The following MFAP4 variants were observed in gnomAD, a reference collection of about 807,000 sequenced individuals.
MFAP4 encodes microfibril-associated glycoprotein 4.
A neutral mutation model predicts 32.4 loss-of-function variants in MFAP4; 20 were observed. The observed-to-expected ratio is 0.62, with a 90% CI of 0.43 to 0.90. MFAP4 has a LOEUF of 0.90. MFAP4 is among the 40% of genes least tolerant of loss of function. The pLI, the probability that MFAP4 is intolerant of heterozygous loss-of-function variation, is 0.00. For missense variants in MFAP4, 267 were observed against 329.5 expected (o/e 0.81, Z 1.47); for synonymous variants, 146 against 137.4 (o/e 1.06, Z -0.44).
At chr17:19,386,977 G>GGGCCCCCCCCCCCCCCCCCCCCCAAA in intron 1 of MFAP4, 139 bp from the exon 2 acceptor site, 1 of 689,450 alleles carries the variant, frequency 1.5e-6, no homozygotes, top group Non-Finnish European at 2.4e-6. Flanking sequence ...CCTCTTCCCT[G>GGGCCCCCCCCCCCCCCCCCCCCCAAA]CCCCCCCACC....
chr17:19,384,197 G>A lies in MFAP4; in HGVS notation c.*265C>T. On this transcript the variant is annotated 3_prime_UTR_variant, in exon 6 of 6. Coordinates refer to ENST00000299610, the MANE Select transcript of MFAP4 (RefSeq NM_002404.3). ...ACTCATTCTCATGGAGCCCAGCCAG[G>A]TCCAGGCTAGAACCATGTGCCTCTC... 2 of 465,886 alleles carry A rather than the reference G, an allele frequency of 4.3e-6. No individual in the cohort carries two copies. Among genetic ancestry groups the A allele is most frequent in the South Asian group, 4.6e-5 (2 of 43,694 alleles). 28.9% of individuals were successfully genotyped at this position (465,886 alleles called of 1,614,324 possible). A position where few individuals can be genotyped will look rare whatever the true frequency, so the allele number is the denominator to read the frequency against.
At chr17:19,386,611 G>A in intron 2 of MFAP4, 147 bp from the exon 3 acceptor site, 1 of 1,234,192 alleles carries the variant, frequency 8.1e-7, no homozygotes, top group Non-Finnish European at 1.2e-6. Context: ...GATGAGCAAT[G>A]CTTATGTCAT....
chr17:19,385,863 TATCTC>T (rs1340311731), intron 3 of MFAP4, among the ~76,000 whole-genome samples: 1 of 152,170 alleles, frequency 6.6e-6, no homozygotes, highest in Admixed American at 6.5e-5. Flanking sequence ...TCACGCCTGT[TATCTC>T]AGCACTTTGG....
Position 19,385,382 on chromosome 17 carries a change from G to A in MFAP4, c.313C>T (p.Arg105Cys), listed in dbSNP as rs781681755. 5.0e-6 allele frequency: 8 copies of A among 1,614,246 alleles called. No homozygotes were observed. The highest frequency in any genetic ancestry group is 1.7e-5 in the Admixed American group (1 of 60,028). Reference protein sequence around the residue: ...GWNDYKLGFGRADGEYWLGLQ... With the variant: ...GWNDYKLGFGCADGEYWLGLQ... ...CCCAGCCAGTACTCTCCATCAGCACGGCCGAAGCCCAGCTTGTAGTCATTC... is the reference window on the plus strand; with the variant it reads ...CCCAGCCAGTACTCTCCATCAGCACAGCCGAAGCCCAGCTTGTAGTCATTC... The change falls in exon 4 of 6, where the codon CGT (arginine) becomes TGT (cysteine). Residue 105 changes from arginine to cysteine, a missense_variant. Arg to Cys is a radical substitution (Grantham distance 180, BLOSUM62 -3). This residue lies in a region of MFAP4 where 223 missense variants were observed against 253.3 expected (regional missense o/e 0.88). Transcript: ENST00000299610.
intron 1 of MFAP4, 139 bp from the exon 2 acceptor site, chr17:19,386,977 G>GGGGCCCCCCCCCCC: frequency 2.9e-6 from 2 of 689,430 alleles, no homozygotes; most frequent in Non-Finnish European, 4.7e-6. Context: ...CCTCTTCCCT[G>GGGGCCCCCCCCCCC]CCCCCCCACC....
In MFAP4 at chr17:19,385,142, A is replaced by C; in HGVS notation, c.477T>G (p.Asp159Glu). Residue 159 changes from aspartate (D) to glutamate (E), a missense_variant, in exon 5 of 6, where the codon GAT becomes GAG. Coordinates refer to ENST00000299610, the MANE Select transcript of MFAP4 (RefSeq NM_002404.3). ...ISPNAVSAEE[D>E]GYTLFVAGFE... ...AGCCTGCCACAAAGAGGGTGTAGCC[A>C]TCCTCCTCTGCGCTGACCGCGTTCG... is the stretch of plus-strand genomic sequence containing the variant. 1 of 1,614,242 alleles carries C rather than the reference A, an allele frequency of 6.2e-7. No homozygotes were observed.
chr17:19,386,972 T>TACCAGGG, intron 1 of MFAP4, 134 bp from the exon 2 acceptor site: 1 of 937,014 alleles, frequency 1.1e-6, no homozygotes. Context: ...TGGCCCCTCT[T>TACCAGGG]CCCTGCCCCC....
Position 19,386,828 on chromosome 17 carries a change from G to T in MFAP4, c.17C>A (p.Ala6Asp), listed in dbSNP as rs535893515. The T allele has an allele frequency of 6.4e-7, 1 of 1,562,706 alleles. No individual in the cohort carries two copies. The highest frequency in any genetic ancestry group is 8.7e-7 in the Non-Finnish European group (1 of 1,153,632). The part of the protein sequence containing the change: MKALL[A>D]LPLLLLLSTP... The stretch of plus-strand genomic sequence containing the variant: ...GGAGAGAAGCAGCAGCAGCGGCAGG[G>T]CCAGGAGTGCCTGGCGATGGGCAGA... The change falls in exon 2 of 6, where the codon GCC becomes GAC. Residue 6 changes from alanine to aspartate, a missense_variant. Around this residue, in one of 3 missense-constraint regions of MFAP4, gnomAD observed 223 missense variants for 253.3 expected, o/e 0.88. Transcript: ENST00000299610.
At chr17:19,386,976 T>TCA in intron 1 of MFAP4, 138 bp from the exon 2 acceptor site, 1 of 590,550 alleles carries the variant, frequency 1.7e-6, no homozygotes, top group Non-Finnish European at 2.9e-6. Flanking sequence ...CCCTCTTCCC[T>TCA]GCCCCCCCAC....
chr17:19,384,961 T>G (rs2240099), intron 5 of MFAP4, 138 bp downstream of exon 5: 1,162,393 of 1,223,610 alleles, frequency 0.95, 556,928 homozygotes, highest in Non-Finnish European at 0.99. Flanking sequence ...GGTTTGAGCT[T>G]GTTTGGAGCC....
Position 19,386,321 on chromosome 17 carries a change from C to A in MFAP4, c.229G>T (p.Gly77Trp). The change falls in exon 3 of 6, where the codon GGG (glycine) becomes TGG (tryptophan). Residue 77 changes from glycine to tryptophan, a missense_variant. By Grantham distance (184) the Gly-to-Trp change is radical. Transcript: ENST00000299610. ...CTCCTCCCACTCACCGTCCACTTCCCGCCCTCGGTGGTCATGTCACAGAAG... is the reference window on the plus strand; with the variant it reads ...CTCCTCCCACTCACCGTCCACTTCCAGCCCTCGGTGGTCATGTCACAGAAG... ...PVFCDMTTEG[G>W]KWTVFQKRFN... is the part of the protein sequence containing the mutation. 1 of 1,604,772 alleles carries A rather than the reference C, an allele frequency of 6.2e-7. No individual in the cohort carries two copies. The highest frequency in any genetic ancestry group is 2.2e-5 in the East Asian group (1 of 44,618).
chr17:19,386,713 G>A (rs980968934), intron 2 of MFAP4, 47 bp downstream of exon 2: 3 of 1,541,102 alleles, frequency 1.9e-6, no homozygotes, highest in Non-Finnish European at 2.6e-6. Context: ...GCCTCTTCTT[G>A]CACAACCTGT....
Position 19,384,521 on chromosome 17 carries a change from G to A in MFAP4, c.709C>T (p.Gln237Ter). Residue 237 changes from glutamine to a stop codon, truncating the protein, a stop_gained, in exon 6 of 6, where the codon CAG (glutamine) becomes TAG (stop). Coordinates refer to ENST00000299610, the MANE Select transcript of MFAP4 (RefSeq NM_002404.3). LOFTEE classifies it high-confidence loss of function. ...AGGGAGTAGTAGAAGCCCTTCCACT[G>A]GGCCCAGTTGATGCCATTGGCATAA... ...LSYANGINWAQWKGFYYSLKR... is the reference protein window; with the variant it reads ...LSYANGINWA The A allele has an allele frequency of 6.2e-7, 1 of 1,612,240 alleles. No individual in the cohort carries two copies. The highest frequency in any genetic ancestry group is 8.5e-7 in the Non-Finnish European group (1 of 1,179,048).
In MFAP4 at chr17:19,386,392, C is replaced by T; in HGVS notation, c.158G>A (p.Gly53Asp). Reference sequence around the variant, plus strand: ...GCCCGAGGGGTAGATGAGGTACACGCCGTCTGACTGGTAGCCCTGGGCATA... The same window carrying T: ...GCCCGAGGGGTAGATGAGGTACACGTCGTCTGACTGGTAGCCCTGGGCATA... ...DIYAQGYQSD[G>D]VYLIYPSGPS... The change falls in exon 3 of 6, where the codon GGC (glycine) becomes GAC (aspartate). Residue 53 changes from glycine to aspartate, a missense_variant. Transcript: ENST00000299610. The T allele has an allele frequency of 6.2e-7, 1 of 1,613,900 alleles. No homozygotes were observed. Among genetic ancestry groups the T allele is most frequent in the Non-Finnish European group, 8.5e-7 (1 of 1,179,946 alleles).
intron 1 of MFAP4, 141 bp from the exon 2 acceptor site, chr17:19,386,979 C>A: frequency 1.0e-5 from 5 of 477,366 alleles, no homozygotes; most frequent in South Asian, 1.6e-5. Flanking sequence ...TCTTCCCTGC[C>A]CCCCCACCCC....
Position 19,386,471 on chromosome 17 carries a change from G to A in MFAP4, c.86-7C>T, listed in dbSNP as rs1337074430. The A allele has an allele frequency of 1.2e-6, 2 of 1,610,050 alleles. No individual in the cohort carries two copies. Among genetic ancestry groups the A allele is most frequent in the South Asian group, 1.1e-5 (1 of 90,498 alleles). Reference sequence around the variant, plus strand: ...AGGCAAAACCTCTCCAGAGCTGGGGGTAGGGACATGGGGACAGTGAGGAGA... The same window carrying A: ...AGGCAAAACCTCTCCAGAGCTGGGGATAGGGACATGGGGACAGTGAGGAGA... On this transcript the variant is annotated splice_region_variant and splice_polypyrimidine_tract_variant and intron_variant, in intron 2 of 5. Coordinates refer to ENST00000299610, the MANE Select transcript of MFAP4 (RefSeq NM_002404.3).
chr17:19,386,000 T>G (rs1913017153), intron 3 of MFAP4, among the ~76,000 whole-genome samples: 1 of 152,204 alleles, frequency 6.6e-6, no homozygotes, highest in Non-Finnish European at 1.5e-5. Flanking sequence ...ATGCCTGTAA[T>G]CCCAGCTACT....
Position 19,383,697 on chromosome 17 carries a change from C to T in MFAP4, c.*765G>A, listed in dbSNP as rs1912911508. 6.5e-6 allele frequency: 1 copy of T among 153,912 alleles called. No homozygotes were observed. The highest frequency in any genetic ancestry group is 2.4e-5 in the African/African-American group (1 of 41,454). 9.5% of individuals were successfully genotyped at this position (153,912 alleles called of 1,614,324 possible). On this transcript the variant is annotated 3_prime_UTR_variant, in exon 6 of 6. Coordinates refer to ENST00000299610, the MANE Select transcript of MFAP4 (RefSeq NM_002404.3). ...GAAGGTTTATTGAGACCTTCAGTCC[C>T]TACCCACTCCCAGCCCTGCAGAGAT...
rs1912982375 is a variant in MFAP4, at chr17:19,385,172, G to C, written c.447C>G (p.Ile149Met). Residue 149 changes from isoleucine (I) to methionine (M), a missense_variant, in exon 5 of 6, where the codon ATC (isoleucine) becomes ATG (methionine). Ile to Met is a conservative substitution (Grantham distance 10). Transcript: ENST00000299610. Reference protein sequence around the residue: ...TAYAKYADFSISPNAVSAEED... With the variant: ...TAYAKYADFSMSPNAVSAEED... Reference sequence around the variant, plus strand: ...CCTCTGCGCTGACCGCGTTCGGGGAGATGGAGAAGTCAGCGTACTTGGCAT... The same window carrying C: ...CCTCTGCGCTGACCGCGTTCGGGGACATGGAGAAGTCAGCGTACTTGGCAT... 1.2e-6 allele frequency: 2 copies of C among 1,614,302 alleles called. No individual in the cohort carries two copies. The highest frequency in any genetic ancestry group is 8.5e-7 in the Non-Finnish European group (1 of 1,180,056).
Sources: allele counts gnomAD v4.1 joint callset (sites outside exome capture counted in the v4.1 genomes callset), GRCh38; gene constraint gnomAD v4.1.1; regional missense constraint gnomAD v4.1.1; transcripts MANE v1.5; gene names NCBI Gene and HGNC (gene_info 2026-07-23, HGNC 2026-07-21).